SAMMSON: variants seen among roughly 807,000 people sequenced by gnomAD.
SAMMSON encodes long intergenic non-protein coding RNA 1212.
intron 3 of SAMMSON, among the ~76,000 whole-genome samples, chr3:70,063,520 G>A (rs931941254): frequency 5.9e-5 from 9 of 152,052 alleles, no homozygotes; most frequent in African/African-American, 2.2e-4. Flanking sequence ...TAGGATCCGT[G>A]TGCCTCCTCT....
At chr3:70,161,092 A>C (rs1035738357) in intron 4 of SAMMSON, among the ~76,000 whole-genome samples, 1 of 152,004 alleles carries the variant, frequency 6.6e-6, no homozygotes, top group Non-Finnish European at 1.5e-5. Flanking sequence ...ACATGGTATC[A>C]TGTTATCTTC....
At chr3:70,190,939 C>T (rs1701127343) in intron 4 of SAMMSON, among the ~76,000 whole-genome samples, 2 of 152,156 alleles carry the variant, frequency 1.3e-5, no homozygotes, top group Non-Finnish European at 2.9e-5. Context: ...TGGCCTCTTG[C>T]CTTCATCCCT....
chr3:70,208,485 G>A (rs1346935518), intron 4 of SAMMSON, among the ~76,000 whole-genome samples: 3 of 152,014 alleles, frequency 2.0e-5, no homozygotes, highest in Non-Finnish European at 4.4e-5. Context: ...GAATCACCTG[G>A]AAAATCTTTT....
At chr3:70,416,131 A>G (rs1701262746) in intron 2 of SAMMSON, among the ~76,000 whole-genome samples, 2 of 152,202 alleles carry the variant, frequency 1.3e-5, no homozygotes, top group Non-Finnish European at 2.9e-5. Context: ...AATTAATTTC[A>G]TACCTTGCAC....
At chr3:70,253,968 A>T (rs1200659478) in intron 6 of SAMMSON, among the ~76,000 whole-genome samples, 1 of 152,212 alleles carries the variant, frequency 6.6e-6, no homozygotes, top group Non-Finnish European at 1.5e-5. Context: ...TCTGTGGCAT[A>T]ATATAGCTAG....
chr3:70,343,948 T>A (rs1460088752), intron 7 of SAMMSON, among the ~76,000 whole-genome samples: 1 of 151,404 alleles, frequency 6.6e-6, no homozygotes, highest in Non-Finnish European at 1.5e-5. Flanking sequence ...TTTATTTTGT[T>A]GCTCAAATTG....
intron 2 of SAMMSON, among the ~76,000 whole-genome samples, chr3:70,420,176 T>G (rs1454152169): frequency 6.6e-6 from 1 of 152,204 alleles, no homozygotes; most frequent in Non-Finnish European, 1.5e-5. Flanking sequence ...AACTATTAGC[T>G]GTCTCACAGG....
chr3:70,133,348 A>G (rs1453963825), intron 4 of SAMMSON, among the ~76,000 whole-genome samples: 2 of 152,204 alleles, frequency 1.3e-5, no homozygotes, highest in African/African-American at 2.4e-5. Context: ...GAGCTGCTGA[A>G]CACATGCAGG....
chr3:70,056,769 C>T (rs2067169511), intron 3 of SAMMSON, among the ~76,000 whole-genome samples: 1 of 151,960 alleles, frequency 6.6e-6, no homozygotes, highest in Non-Finnish European at 1.5e-5. Context: ...ACAAGATAAA[C>T]AGCCCTAATC....
chr3:70,063,464 G>A (rs1488948501), intron 3 of SAMMSON, among the ~76,000 whole-genome samples: 4 of 152,044 alleles, frequency 2.6e-5, no homozygotes, highest in African/African-American at 9.7e-5. Context: ...GGTGTTCTGG[G>A]AGGCTAGCCC....
intron 9 of SAMMSON, among the ~76,000 whole-genome samples, chr3:70,367,496 C>T (rs1046894231): frequency 8.6e-5 from 13 of 151,632 alleles, no homozygotes; most frequent in Admixed American, 4.6e-4. Context: ...CTGTGCCTGG[C>T]TTTTTTCATT....
chr3:70,137,149 C>G (rs143213067), intron 4 of SAMMSON, among the ~76,000 whole-genome samples: 87 of 152,206 alleles, frequency 5.7e-4, no homozygotes, highest in Middle Eastern at 3.4e-3. Context: ...GTCCTTTGGT[C>G]ATATAGAATT....
chr3:70,267,394 C>CTTTT (rs9310185), intron 6 of SAMMSON, among the ~76,000 whole-genome samples: 1 of 74,842 alleles, frequency 1.3e-5, no homozygotes, highest in African/African-American at 5.5e-5. Flanking sequence ...TTTTTAATAG[C>CTTTT]TTTTTTTTTT....
intron 4 of SAMMSON, chr3:70,125,996 TG>T: frequency 1.2e-6 from 1 of 814,758 alleles, no homozygotes; most frequent in Non-Finnish European, 2.0e-6. Context: ...TCTTCATAGA[TG>T]GGAGGCTGCG....
At chr3:70,125,242 C>G in intron 4 of SAMMSON, 1 of 1,319,236 alleles carries the variant, frequency 7.6e-7, no homozygotes, top group Non-Finnish European at 1.1e-6. Flanking sequence ...CTTCTTTCAT[C>G]AAACGTATAT....
intron 6 of SAMMSON, among the ~76,000 whole-genome samples, chr3:70,256,790 C>G (rs11923329): frequency 0.25 from 37,980 of 152,052 alleles, 4,738 homozygotes; most frequent in South Asian, 0.3. Flanking sequence ...TAAGAGTTCT[C>G]TAAACATATG....
chr3:70,079,759 A>G (rs1471708815), intron 4 of SAMMSON, among the ~76,000 whole-genome samples: 2 of 152,164 alleles, frequency 1.3e-5, no homozygotes, highest in Admixed American at 6.5e-5. Context: ...ACGTAACCCC[A>G]CTGTAAGTCG....
At chr3:70,288,921 C>T (rs1365086858) in intron 6 of SAMMSON, among the ~76,000 whole-genome samples, 1 of 151,830 alleles carries the variant, frequency 6.6e-6, no homozygotes, top group East Asian at 1.9e-4. Flanking sequence ...GGTAGATCTT[C>T]CTCCATCCTT....
At chr3:70,405,862 G>A (rs1264915440) in intron 2 of SAMMSON, among the ~76,000 whole-genome samples, 1 of 151,998 alleles carries the variant, frequency 6.6e-6, no homozygotes, top group Non-Finnish European at 1.5e-5. Context: ...ATAATGTGTA[G>A]GATAAAAATA....
Sources: allele counts gnomAD v4.1 joint callset (sites outside exome capture counted in the v4.1 genomes callset), GRCh38; gene constraint gnomAD v4.1.1; transcripts MANE v1.5; gene names NCBI Gene and HGNC (gene_info 2026-07-23, HGNC 2026-07-21).